CFAP299: variants seen among roughly 807,000 people sequenced by gnomAD.
The protein encoded by CFAP299 is cilia- and flagella-associated protein 299.
In CFAP299, 21 loss-of-function variants were observed where a neutral mutation model predicts 27.0. The ratio of observed to expected loss-of-function variants is 0.78; its 90% CI spans 0.55 to 1.12. The LOEUF is 1.12. Ranked by LOEUF, CFAP299 falls within the 50% of genes most tolerant of loss-of-function variation. The probability of loss-of-function intolerance (pLI) is 0.00; values close to 1 mark genes in which losing one functional copy is unlikely to be tolerated. For missense variants in CFAP299, 310 were observed against 276.6 expected (o/e 1.12, Z -0.86); for synonymous variants, 104 against 98.1 (o/e 1.06, Z -0.36).
intron 2 of CFAP299, chr4:80,387,830 G>T: frequency 1.4e-6 from 2 of 1,471,516 alleles, no homozygotes; most frequent in Admixed American, 1.7e-5. Context: ...GTAGCTTCCA[G>T]GAGTCCCCTG....
chr4:80,882,564 G>A (rs1358313602), intron 4 of CFAP299, among the ~76,000 whole-genome samples: 2 of 151,996 alleles, frequency 1.3e-5, no homozygotes, highest in Non-Finnish European at 2.9e-5. Flanking sequence ...CGTGAACCCG[G>A]GAGGCGGAGC....
At position 80,834,804 on chromosome 4, in the gene CFAP299, G is replaced by A. The variant is rs144207602; in HGVS notation, c.334-35189G>A. 3.7e-4 allele frequency among the ~76,000 whole-genome samples: 57 copies of A among 152,130 alleles called. No individual in the cohort carries two copies. In the East Asian group the frequency reaches 8.7e-3, roughly 23 times the overall value. The stretch of plus-strand genomic sequence containing the variant: ...TTGGTTGAGCTGGGTGCTTGTCATC[G>A]GTACTTGGATGAAGGAGAGACTTGC... On this transcript the variant is annotated intron_variant, in intron 3 of 5. Transcript: ENST00000358105.
intron 3 of CFAP299, among the ~76,000 whole-genome samples, chr4:80,804,550 C>CATTG (rs1728768078): frequency 6.6e-6 from 1 of 152,108 alleles, no homozygotes; most frequent in South Asian, 2.1e-4. Flanking sequence ...GTTTCTTCTA[C>CATTG]ATTGTATCTA....
At chr4:80,443,657 C>T (rs1463097720) in intron 2 of CFAP299, among the ~76,000 whole-genome samples, 1 of 152,144 alleles carries the variant, frequency 6.6e-6, no homozygotes, top group African/African-American at 2.4e-5. Context: ...TCCTATTCAA[C>T]ACAGTATTGG....
chr4:80,729,454 A>G (rs1292718689), intron 3 of CFAP299, among the ~76,000 whole-genome samples: 1 of 152,032 alleles, frequency 6.6e-6, no homozygotes, highest in African/African-American at 2.4e-5. Context: ...CACTCTGGAG[A>G]TTGTATTATA....
At chr4:80,435,350 G>C (rs1353790818) in intron 2 of CFAP299, among the ~76,000 whole-genome samples, 3 of 152,178 alleles carry the variant, frequency 2.0e-5, no homozygotes, top group Non-Finnish European at 4.4e-5. Context: ...GGAAAGGCAA[G>C]CATCTTTAGG....
chr4:80,822,792 A>T (rs1028557350), intron 3 of CFAP299, among the ~76,000 whole-genome samples: 1 of 152,214 alleles, frequency 6.6e-6, no homozygotes, highest in Non-Finnish European at 1.5e-5. Flanking sequence ...GTGCAGCCTG[A>T]TTTATCAATG....
chr4:80,777,905 G>T (rs1428077938), intron 3 of CFAP299, among the ~76,000 whole-genome samples: 1 of 152,052 alleles, frequency 6.6e-6, no homozygotes, highest in Non-Finnish European at 1.5e-5. Flanking sequence ...TTTGAAGCTG[G>T]TCAATAGGTA....
chr4:80,962,971 AT>A (rs961606614), intron 5 of CFAP299, among the ~76,000 whole-genome samples: 1 of 151,810 alleles, frequency 6.6e-6, no homozygotes, highest in African/African-American at 2.4e-5. Context: ...AACTATGCTA[AT>A]TTTTTTTAAA....
intron 5 of CFAP299, among the ~76,000 whole-genome samples, chr4:80,957,560 A>G (rs1738131964): frequency 6.6e-6 from 1 of 152,194 alleles, no homozygotes; most frequent in African/African-American, 2.4e-5. Flanking sequence ...AAAGGAATAA[A>G]CAGATTTTAA....
chr4:80,445,345 T>TA (rs1451298925), intron 2 of CFAP299, among the ~76,000 whole-genome samples: 3 of 152,078 alleles, frequency 2.0e-5, no homozygotes, highest in African/African-American at 7.2e-5. Context: ...TATGCAGCCA[T>TA]AAAAAAGAAT....
intron 2 of CFAP299, among the ~76,000 whole-genome samples, chr4:80,534,358 T>C (rs1733625485): frequency 6.6e-6 from 1 of 151,608 alleles, no homozygotes; most frequent in African/African-American, 2.4e-5. Flanking sequence ...TATTATATTT[T>C]TAAGGTTTGT....
intron 3 of CFAP299, among the ~76,000 whole-genome samples, chr4:80,798,605 C>T (rs574311694): frequency 6.6e-6 from 1 of 152,170 alleles, no homozygotes; most frequent in South Asian, 2.1e-4. Context: ...ACAATTTCAG[C>T]TCTTTCTCTA....
chr4:80,692,216 A>G (rs1285290010), intron 3 of CFAP299, among the ~76,000 whole-genome samples: 1 of 152,218 alleles, frequency 6.6e-6, no homozygotes, highest in Admixed American at 6.5e-5. Context: ...TATGGCACCA[A>G]AAAAGAGCCC....
intron 3 of CFAP299, among the ~76,000 whole-genome samples, chr4:80,740,641 A>G (rs1724205576): frequency 2.6e-5 from 4 of 152,196 alleles, no homozygotes; most frequent in Non-Finnish European, 5.9e-5. Context: ...GGCCCTGGAC[A>G]TGTCCAGAGA....
rs1391558819 is a variant in CFAP299 at position 80,687,696 on chromosome 4, G to A, written c.333+104513G>A. Among the ~76,000 whole-genome samples, 4 of 152,298 alleles carry A rather than the reference G, an allele frequency of 2.6e-5. No individual in the cohort carries two copies. The East Asian group carries it at 7.7e-4, about 29-fold the overall frequency. ...TCTGGAGGGAGGAGGCAAGATGGCC[G>A]AATAGGAACAGCTCCGGTCTACAGC... On this transcript the variant is annotated intron_variant, in intron 3 of 5. Coordinates refer to ENST00000358105, the MANE Select transcript of CFAP299 (RefSeq NM_152770.3).
intron 3 of CFAP299, among the ~76,000 whole-genome samples, chr4:80,830,709 A>G (rs1730254782): frequency 6.6e-6 from 1 of 152,114 alleles, no homozygotes; most frequent in African/African-American, 2.4e-5. Context: ...CCAGCAAATG[A>G]GTAACTTGAC....
At chr4:80,839,122 A>C (rs1029094742) in intron 3 of CFAP299, among the ~76,000 whole-genome samples, 1 of 152,122 alleles carries the variant, frequency 6.6e-6, no homozygotes, top group Non-Finnish European at 1.5e-5. Context: ...TCCTTCCAAA[A>C]GAATTGTGAA....
chr4:80,658,225 C>T (rs1439950642), intron 3 of CFAP299, among the ~76,000 whole-genome samples: 1 of 152,082 alleles, frequency 6.6e-6, no homozygotes, highest in African/African-American at 2.4e-5. Context: ...CGCTTTATTT[C>T]TTTATCTTGC....
Sources: gnomAD v4.1 joint callset for allele counts (sites outside exome capture counted in the v4.1 genomes callset) on GRCh38, gnomAD v4.1.1 for gene constraint, MANE v1.5 for transcripts, NCBI Gene and HGNC (gene_info 2026-07-23, HGNC 2026-07-21) for gene names.